Variants in ANXA7 observed in about 807,000 individuals in gnomAD.
ANXA7 encodes annexin A7, also known as annexin VII.
ANXA7 carries 55 observed loss-of-function variants against 64.9 expected under a neutral mutation model. The observed-to-expected ratio is 0.85, with a 90% CI of 0.68 to 1.06. The LOEUF is 1.06. Ranked by LOEUF, ANXA7 falls within the 50% of genes least tolerant of loss-of-function variation. The probability of loss-of-function intolerance (pLI) is 0.00; values close to 1 mark genes in which losing one functional copy is unlikely to be tolerated. For synonymous variants in ANXA7, 200 were observed against 192.4 expected, an observed-to-expected ratio of 1.04 and a Z score of -0.33; for missense variants, 548 against 582.1, an observed-to-expected ratio of 0.94 and a Z score of 0.60.
At chr10:73,387,353 A>G (rs2132663980) in intron 7 of ANXA7, among the ~76,000 whole-genome samples, 1 of 152,162 alleles carries the variant, frequency 6.6e-6, no homozygotes, top group South Asian at 2.1e-4. Context: ...TGTCTCTACT[A>G]AAAATACAAA....
intron 1 of ANXA7, among the ~76,000 whole-genome samples, chr10:73,401,263 A>AACACACAC (rs5786109): frequency 2.7e-5 from 4 of 148,024 alleles, no homozygotes; most frequent in Non-Finnish European, 3.0e-5. Flanking sequence ...ACACATACAC[A>AACACACAC]ACACACACAC....
At chr10:73,394,944 G>A (rs2055546516) in intron 5 of ANXA7, among the ~76,000 whole-genome samples, 1 of 152,192 alleles carries the variant, frequency 6.6e-6, no homozygotes, top group East Asian at 1.9e-4. Context: ...ATATTCAGTC[G>A]TAAAATGATT....
At chr10:73,405,268 G>A (rs1224607746) in intron 1 of ANXA7, among the ~76,000 whole-genome samples, 1 of 148,624 alleles carries the variant, frequency 6.7e-6, no homozygotes, top group Non-Finnish European at 1.5e-5. Flanking sequence ...GCTGGGTGCA[G>A]TGGCCCAGGC....
intron 1 of ANXA7, among the ~76,000 whole-genome samples, chr10:73,410,369 C>T (rs2055819965): frequency 2.0e-5 from 3 of 151,954 alleles, no homozygotes; most frequent in Admixed American, 2.0e-4. Context: ...TCAAAAGATA[C>T]ACAAATGGCC....
intron 12 of ANXA7, among the ~76,000 whole-genome samples, chr10:73,377,960 G>T (rs1417175288): frequency 2.0e-5 from 3 of 150,594 alleles, no homozygotes; most frequent in Admixed American, 6.6e-5. Context: ...GTAGAAATAG[G>T]TTTCACCATG....
At chr10:73,376,943 T>C (rs1283379057) in intron 12 of ANXA7, among the ~76,000 whole-genome samples, 1 of 152,200 alleles carries the variant, frequency 6.6e-6, no homozygotes, top group African/African-American at 2.4e-5. Flanking sequence ...TCCACCAATA[T>C]GACGTACCTA....
chr10:73,403,264 G>C (rs1050623180), intron 1 of ANXA7, among the ~76,000 whole-genome samples: 21 of 152,218 alleles, frequency 1.4e-4, no homozygotes, highest in Admixed American at 4.6e-4. Flanking sequence ...TGAGGCAGTA[G>C]AATCTCTTGC....
chr10:73,384,497 G>A (rs1442394123), intron 7 of ANXA7, among the ~76,000 whole-genome samples: 2 of 151,934 alleles, frequency 1.3e-5, no homozygotes, highest in Admixed American at 1.3e-4. Flanking sequence ...TGCCTCCTGG[G>A]TTCAAGCGCT....
intron 2 of ANXA7, 108 bp from the exon 3 acceptor site, chr10:73,398,493 A>G (rs1460805252): frequency 1.5e-5 from 15 of 1,020,214 alleles, no homozygotes; most frequent in Non-Finnish European, 1.9e-5. Context: ...TCATTCTTTT[A>G]CTTTTTAAAA....
rs753096130 is a variant in ANXA7, at chr10:73,398,383, A to T, written c.57T>A (p.Pro19=). ...GGGGAAAAGATGACTCCTGACCTGCAGGCTGAAAAATCAGAATAATTTTTA... is the reference window on the plus strand; with the variant it reads ...GGGGAAAAGATGACTCCTGACCTGCTGGCTGAAAAATCAGAATAATTTTTA... ...TGYPPFPGYP[P]AGQESSFPPS... Residue 19 remains proline, a splice_region_variant and synonymous_variant, in exon 3 of 13, where the codon CCT becomes CCA. Coordinates refer to ENST00000372921, the MANE Select transcript of ANXA7 (RefSeq NM_001156.5). 12 of 1,608,272 alleles carry T rather than the reference A, an allele frequency of 7.5e-6. No individual in the cohort carries two copies. In the African/African-American group the frequency reaches 1.1e-4, roughly 14 times the overall value.
At chr10:73,389,902 G>C (rs186151659) in intron 5 of ANXA7, among the ~76,000 whole-genome samples, 1 of 152,302 alleles carries the variant, frequency 6.6e-6, no homozygotes, top group Admixed American at 6.5e-5. Flanking sequence ...TGGAATTACA[G>C]GTGTGCGGCC....
At chr10:73,396,117 AAG>A in intron 5 of ANXA7, 1 of 1,556,208 alleles carries the variant, frequency 6.4e-7, no homozygotes, top group Non-Finnish European at 8.9e-7. Flanking sequence ...GATCTGAAAA[AAG>A]AGTGAAAAGT....
chr10:73,406,606 A>T (rs912753561), intron 1 of ANXA7, among the ~76,000 whole-genome samples: 1 of 151,928 alleles, frequency 6.6e-6, no homozygotes. Flanking sequence ...TTCTTGCTCT[A>T]TCGCCCAGGC....
chr10:73,412,424 G>A, intron 1 of ANXA7, among the ~76,000 whole-genome samples: 1 of 151,992 alleles, frequency 6.6e-6, no homozygotes, highest in East Asian at 1.9e-4. Context: ...TTTGTAAAAA[G>A]CTAAATAACA....
At chr10:73,398,149 A>G (rs1182861780) in intron 3 of ANXA7, 32 bp downstream of exon 3, 2 of 1,587,968 alleles carry the variant, frequency 1.3e-6, no homozygotes, top group East Asian at 4.5e-5. Flanking sequence ...CAGCAATCCC[A>G]ATCATTACTA....
intron 2 of ANXA7, among the ~76,000 whole-genome samples, chr10:73,399,871 A>T (rs1322133315): frequency 6.9e-6 from 1 of 145,664 alleles, no homozygotes; most frequent in Non-Finnish European, 1.5e-5. Context: ...GCCAGGCGCA[A>T]TGGCTCATGC....
Position 73,397,165 on chromosome 10 carries a change from A to C in ANXA7, c.369T>G (p.Pro123=). The change falls in exon 4 of 13, where the codon CCT becomes CCG. Residue 123 remains proline (P), a splice_region_variant and synonymous_variant. Transcript: ENST00000372921. Reference sequence around the variant, plus strand: ...TTTTTCTGGACAGCTGGTACCTACCAGGTAGTGGAACCTGTGCTGGACCAC... The same window carrying C: ...TTTTTCTGGACAGCTGGTACCTACCCGGTAGTGGAACCTGTGCTGGACCAC... The part of the protein sequence containing the change: ...YGGGPAQVPL[P]GGFPGGQMPS... 1 of 1,580,394 alleles carries C rather than the reference A, an allele frequency of 6.3e-7. No homozygotes were observed. Among genetic ancestry groups the C allele is most frequent in the Non-Finnish European group, 8.6e-7 (1 of 1,160,708 alleles).
In ANXA7 at chr10:73,379,931, G is replaced by A; in HGVS notation, c.1113C>T (p.Ser371=). 1.2e-6 allele frequency: 2 copies of A among 1,614,148 alleles called. No individual in the cohort carries two copies. The highest frequency in any genetic ancestry group is 1.7e-6 in the Non-Finnish European group (2 of 1,180,018). Reference sequence around the variant, plus strand: ...ATCCGGAAAACTCACGGCTCACACTGCTTAACAAGTCTCGATTAGCCATCT... The same window carrying A: ...ATCCGGAAAACTCACGGCTCACACTACTTAACAAGTCTCGATTAGCCATCT... ...YSRMANRDLL[S]SVSREFSGYV... The change falls in exon 11 of 13, where the codon AGC becomes AGT. Residue 371 remains serine (S), a synonymous_variant. Coordinates refer to ENST00000372921, the MANE Select transcript of ANXA7 (RefSeq NM_001156.5).
intron 5 of ANXA7, among the ~76,000 whole-genome samples, chr10:73,392,755 G>C (rs1384168619): frequency 6.6e-6 from 1 of 152,014 alleles, no homozygotes; most frequent in Non-Finnish European, 1.5e-5. Flanking sequence ...ATACTGAATG[G>C]GCAAAAACTG....
Sources: allele counts gnomAD v4.1 joint callset (sites outside exome capture counted in the v4.1 genomes callset), GRCh38; gene constraint gnomAD v4.1.1; transcripts MANE v1.5; gene names NCBI Gene and HGNC (gene_info 2026-07-23, HGNC 2026-07-21).